The following SSH2 variants were observed in gnomAD, a reference collection of about 807,000 sequenced individuals.
SSH2 encodes the protein slingshot protein phosphatase 2, also known as protein phosphatase Slingshot homolog 2.
SSH2 carries 37 observed loss-of-function variants against 135.2 expected under a neutral mutation model. The ratio of observed to expected loss-of-function variants is 0.27; its 90% CI spans 0.21 to 0.36. The LOEUF (loss-of-function observed/expected upper bound fraction) is 0.36, where lower values mean the gene tolerates loss of function less well. Ranked by LOEUF, SSH2 falls within the 10% of genes least tolerant of loss-of-function variation. The pLI, the probability that SSH2 is intolerant of heterozygous loss-of-function variation, is 1.00. For missense variants in SSH2, 1,408 were observed against 1,765.3 expected, an observed-to-expected ratio of 0.80 and a Z score of 3.63; for synonymous variants, 628 against 646.2, an observed-to-expected ratio of 0.97 and a Z score of 0.43.
In SSH2 at chr17:29,634,945, C is replaced by T. The variant is rs187463271; in HGVS notation, c.2262+1023G>A. 1.7e-3 allele frequency among the ~76,000 whole-genome samples: 255 copies of T among 152,220 alleles called. 1 individual carries two copies. The highest frequency in any genetic ancestry group is 1.4e-3 in the Non-Finnish European group (92 of 68,026). Reference sequence around the variant, plus strand: ...TTTGAGACAGTCACACTCTGTCATCCAAGCTGGAGTACAGTGGCACGACCT... The same window carrying T: ...TTTGAGACAGTCACACTCTGTCATCTAAGCTGGAGTACAGTGGCACGACCT... On this transcript the variant is annotated intron_variant, in intron 15 of 15. Coordinates refer to ENST00000540801, the MANE Select transcript of SSH2 (RefSeq NM_001282129.2).
intron 1 of SSH2, among the ~76,000 whole-genome samples, chr17:29,898,360 C>T (rs914550367): frequency 1.3e-5 from 2 of 151,704 alleles, no homozygotes; most frequent in African/African-American, 4.8e-5. Flanking sequence ...TTGAAAAGAT[C>T]AACAAAATTG....
At chr17:29,690,417 AAAAAG>A (rs2038418659) in intron 5 of SSH2, among the ~76,000 whole-genome samples, 1 of 151,688 alleles carries the variant, frequency 6.6e-6, no homozygotes, top group African/African-American at 2.4e-5. Context: ...AAAAAAAAAA[AAAAAG>A]ACTTAATTTC....
chr17:29,900,118 T>A (rs575805554), intron 1 of SSH2, among the ~76,000 whole-genome samples: 2 of 152,172 alleles, frequency 1.3e-5, no homozygotes, highest in Non-Finnish European at 2.9e-5. Flanking sequence ...TTACACCTTA[T>A]ACAAAAATTA....
chr17:29,886,647 T>C lies in SSH2; in HGVS notation c.64-37718A>G, dbSNP rs992071377. On this transcript the variant is annotated intron_variant, in intron 1 of 15. Transcript: ENST00000540801. The stretch of plus-strand genomic sequence containing the variant: ...CTGTAGTCCCAACTACTCGGGAGGC[T>C]GAGACAGGAGAATTGCTTGAACCCA... 4.7e-5 allele frequency among the ~76,000 whole-genome samples: 7 copies of C among 149,660 alleles called. No individual in the cohort carries two copies. In the East Asian group the frequency reaches 1.4e-3, roughly 29 times the overall value.
At chr17:29,917,910 T>C (rs540421240) in intron 1 of SSH2, among the ~76,000 whole-genome samples, 1 of 152,268 alleles carries the variant, frequency 6.6e-6, no homozygotes, top group African/African-American at 2.4e-5. Flanking sequence ...CAGGTGCATA[T>C]GGCTCATGCC....
intron 12 of SSH2, among the ~76,000 whole-genome samples, chr17:29,652,095 T>C (rs1011769627): frequency 1.3e-5 from 2 of 151,972 alleles, no homozygotes; most frequent in Non-Finnish European, 2.9e-5. Context: ...TGAGTCGAGA[T>C]TGCGCCATTG....
intron 4 of SSH2, among the ~76,000 whole-genome samples, chr17:29,695,885 A>G (rs1006151037): frequency 1.3e-5 from 2 of 152,112 alleles, no homozygotes; most frequent in Admixed American, 6.5e-5. Flanking sequence ...GAAGGTAGCA[A>G]TGAGGGCACT....
intron 13 of SSH2, 91 bp downstream of exon 13, chr17:29,650,563 T>C: frequency 8.1e-7 from 1 of 1,234,538 alleles, no homozygotes; most frequent in East Asian, 2.7e-5. Context: ...CTGAGTACCA[T>C]CAGTAAGTTG....
chr17:29,830,172 G>C (rs2042820926), intron 2 of SSH2, among the ~76,000 whole-genome samples: 1 of 152,158 alleles, frequency 6.6e-6, no homozygotes, highest in Admixed American at 6.5e-5. Context: ...TTATAAGGCT[G>C]CAGCATCTGG....
chr17:29,753,288 G>A (rs1179326590), intron 3 of SSH2, among the ~76,000 whole-genome samples: 3 of 151,746 alleles, frequency 2.0e-5, no homozygotes, highest in Non-Finnish European at 2.9e-5. Flanking sequence ...CCACCATCAT[G>A]CCCAGCTAAT....
chr17:29,930,027 A>C lies in SSH2; in HGVS notation c.-27T>G, dbSNP rs746444236. On this transcript the variant is annotated 5_prime_UTR_variant, in exon 1 of 16. Transcript: ENST00000540801. ...TAGGCGCTGCTGGGTTGTTCCGGGC[A>C]GGGCATTCTTGTCCTGAGTGTGGGG... 1 of 1,318,030 alleles carries C rather than the reference A, an allele frequency of 7.6e-7. No homozygotes were observed. Among genetic ancestry groups the C allele is most frequent in the South Asian group, 1.2e-5 (1 of 82,580 alleles). 81.6% of individuals were successfully genotyped at this position (1,318,030 alleles called of 1,614,324 possible).
At chr17:29,677,609 G>T in intron 7 of SSH2, 64 bp downstream of exon 7, 1 of 1,335,522 alleles carries the variant, frequency 7.5e-7, no homozygotes, top group Non-Finnish European at 1.1e-6. Context: ...CTGAATGAAT[G>T]TGCAGTAAGA....
At position 29,675,548 on chromosome 17, in the gene SSH2, C is replaced by T. The variant is rs1377137091; in HGVS notation, c.614+1272G>A. ...GTGGCTCACACCTGCAATCTCAGCA[C>T]TTTGGGAGGCCAAGGCAGGAGGACG... On this transcript the variant is annotated intron_variant, in intron 8 of 15. Transcript: ENST00000540801. Among the ~76,000 whole-genome samples the T allele has an allele frequency of 2.6e-5, 4 of 152,152 alleles. No individual in the cohort carries two copies. In the East Asian group the frequency reaches 7.7e-4, roughly 29 times the overall value.
intron 1 of SSH2, among the ~76,000 whole-genome samples, chr17:29,891,847 C>T (rs2066355679): frequency 6.6e-6 from 1 of 152,100 alleles, no homozygotes; most frequent in African/African-American, 2.4e-5. Context: ...TAAGTCAGAA[C>T]CTTATGTTCT....
chr17:29,906,545 C>G (rs923100387), intron 1 of SSH2, among the ~76,000 whole-genome samples: 1 of 152,090 alleles, frequency 6.6e-6, no homozygotes, highest in South Asian at 2.1e-4. Context: ...CTTCTGCACT[C>G]CAAAATAAAC....
At chr17:29,743,845 T>G (rs539147049) in intron 3 of SSH2, among the ~76,000 whole-genome samples, 2 of 152,158 alleles carry the variant, frequency 1.3e-5, no homozygotes, top group African/African-American at 4.8e-5. Context: ...CTTACCTAGT[T>G]TCAGTATGCC....
chr17:29,892,834 C>T (rs969488797), intron 1 of SSH2, among the ~76,000 whole-genome samples: 3 of 151,860 alleles, frequency 2.0e-5, no homozygotes, highest in African/African-American at 7.3e-5. Flanking sequence ...TCCCTCTTCC[C>T]TACCCTCTTC....
chr17:29,628,695 T>A lies in SSH2; in HGVS notation c.*2146A>T, dbSNP rs1387805254. On this transcript the variant is annotated 3_prime_UTR_variant, in exon 16 of 16. Transcript: ENST00000540801. The stretch of plus-strand genomic sequence containing the variant: ...CAAAACACTTTACAACACACAAATA[T>A]CCAGGAATCACAAAACTGAGTGGAT... The A allele has an allele frequency of 6.6e-6, 1 of 152,164 alleles. No individual in the cohort carries two copies. Among genetic ancestry groups the A allele is most frequent in the Non-Finnish European group, 1.5e-5 (1 of 68,040 alleles). The allele number at this position is 152,164 out of a possible 1,614,324, so 9.4% of individuals were successfully genotyped here.
intron 12 of SSH2, among the ~76,000 whole-genome samples, chr17:29,651,424 C>A (rs1010852922): frequency 1.3e-5 from 2 of 152,344 alleles, no homozygotes; most frequent in East Asian, 1.9e-4. Context: ...GCTGCTATGG[C>A]ATCGATGTAT....
Sources: gnomAD v4.1 joint callset for allele counts (sites outside exome capture counted in the v4.1 genomes callset) on GRCh38, gnomAD v4.1.1 for gene constraint, MANE v1.5 for transcripts, NCBI Gene and HGNC (gene_info 2026-07-23, HGNC 2026-07-21) for gene names.